Variants in PKHD1 observed in about 807,000 individuals in gnomAD.
PKHD1 encodes the protein PKHD1 ciliary IPT domain containing fibrocystin/polyductin.
Under a neutral mutation model 412.0 loss-of-function variants are expected in PKHD1, and 291 were observed. That is an observed-to-expected ratio of 0.71 (90% confidence interval 0.64 to 0.78). The LOEUF (loss-of-function observed/expected upper bound fraction) is 0.78. Ranked by LOEUF, PKHD1 falls within the 30% of genes least tolerant of loss-of-function variation. The probability of loss-of-function intolerance (pLI) is 0.00; values close to 1 mark genes in which losing one functional copy is unlikely to be tolerated. For synonymous variants in PKHD1, 1,777 were observed against 1,821.5 expected (o/e 0.98, Z 0.62); for missense variants, 4,825 against 4,950.7 (o/e 0.97, Z 0.76).
chr6:51,685,780 G>A (rs1178315110), intron 60 of PKHD1, among the ~76,000 whole-genome samples: 1 of 152,078 alleles, frequency 6.6e-6, no homozygotes, highest in East Asian at 1.9e-4. Context: ...ATTGTTTTAA[G>A]AATCATTACC....
chr6:51,809,703 GA>G (rs1172298920), intron 52 of PKHD1, among the ~76,000 whole-genome samples: 1 of 151,758 alleles, frequency 6.6e-6, no homozygotes, highest in Non-Finnish European at 1.5e-5. Flanking sequence ...CATGACATAT[GA>G]ATTTTTTGTT....
Position 51,822,458 on chromosome 6 carries a change from G to A in PKHD1, c.8302+8403C>T, listed in dbSNP as rs530146401. ...CCTGGTTCTAATTTCATGACTACTC[G>A]TTCTATGATATCTCTTCCTGAAACT... On this transcript the variant is annotated intron_variant, in intron 52 of 66. Transcript: ENST00000371117. 2.1e-4 allele frequency among the ~76,000 whole-genome samples: 32 copies of A among 152,078 alleles called. No individual in the cohort carries two copies. The East Asian group carries it at 4.6e-3, about 22-fold the overall frequency.
chr6:51,952,966 G>T (rs79656964), intron 36 of PKHD1, among the ~76,000 whole-genome samples: 4,163 of 152,134 alleles, frequency 0.027, 117 homozygotes, highest in East Asian at 0.11. Context: ...ACAGGGAAGG[G>T]AATCACCATT....
chr6:51,776,263 A>C (rs578141764), intron 53 of PKHD1, among the ~76,000 whole-genome samples: 1 of 152,112 alleles, frequency 6.6e-6, no homozygotes, highest in South Asian at 2.1e-4. Flanking sequence ...TTGATGCTTT[A>C]AGGGACTTGG....
chr6:52,067,184 T>C (rs1296798208), intron 11 of PKHD1, among the ~76,000 whole-genome samples: 1 of 152,202 alleles, frequency 6.6e-6, no homozygotes, highest in Non-Finnish European at 1.5e-5. Flanking sequence ...GAGGCAAAGA[T>C]TGATCCCTTA....
chr6:51,844,092 T>C (rs1770718081), intron 50 of PKHD1, among the ~76,000 whole-genome samples: 1 of 152,242 alleles, frequency 6.6e-6, no homozygotes, highest in Non-Finnish European at 1.5e-5. Flanking sequence ...AGAAAACTTC[T>C]AGAGAAATAG....
intron 60 of PKHD1, among the ~76,000 whole-genome samples, chr6:51,741,875 A>C (rs2150950027): frequency 6.6e-6 from 1 of 152,358 alleles, no homozygotes; most frequent in East Asian, 1.9e-4. Context: ...AATTTTCATC[A>C]AATACTCTGG....
chr6:52,053,051 G>T (rs1351083020), intron 21 of PKHD1, 25 bp downstream of exon 21: 6 of 1,610,374 alleles, frequency 3.7e-6, no homozygotes, highest in Non-Finnish European at 5.1e-6. Context: ...ACCGGCTTGT[G>T]GAGGAGAGAG....
At chr6:51,778,343 C>A (rs193297193) in intron 53 of PKHD1, among the ~76,000 whole-genome samples, 2 of 152,166 alleles carry the variant, frequency 1.3e-5, no homozygotes, top group Non-Finnish European at 2.9e-5. Flanking sequence ...CAAAGACATT[C>A]CGGATATTTT....
At chr6:51,946,090 T>C (rs1483548042) in intron 36 of PKHD1, among the ~76,000 whole-genome samples, 1 of 152,224 alleles carries the variant, frequency 6.6e-6, no homozygotes, top group African/African-American at 2.4e-5. Context: ...TTTGTCCCTT[T>C]TACCATGAAG....
intron 55 of PKHD1, among the ~76,000 whole-genome samples, chr6:51,766,074 T>G (rs2151091398): frequency 6.6e-6 from 1 of 152,260 alleles, no homozygotes; most frequent in Non-Finnish European, 1.5e-5. Flanking sequence ...AATTTTACAT[T>G]TACTATTTGA....
intron 36 of PKHD1, among the ~76,000 whole-genome samples, chr6:51,948,458 C>A (rs1490251776): frequency 1.3e-5 from 2 of 152,162 alleles, no homozygotes; most frequent in Non-Finnish European, 2.9e-5. Flanking sequence ...ATGTGTATTC[C>A]CTATTCACCT....
At chr6:51,957,621 G>A (rs1464375214) in intron 36 of PKHD1, among the ~76,000 whole-genome samples, 1 of 152,094 alleles carries the variant, frequency 6.6e-6, no homozygotes, top group Non-Finnish European at 1.5e-5. Flanking sequence ...CACTGATGGG[G>A]TGGTCATAGG....
intron 34 of PKHD1, among the ~76,000 whole-genome samples, chr6:52,016,230 C>CAAA (rs1800507840): frequency 1.3e-5 from 2 of 152,168 alleles, no homozygotes; most frequent in Non-Finnish European, 2.9e-5. Flanking sequence ...CCTCTGGTGC[C>CAAA]AAATTCACAC....
At chr6:51,977,635 A>G (rs1216213677) in intron 35 of PKHD1, among the ~76,000 whole-genome samples, 1 of 152,076 alleles carries the variant, frequency 6.6e-6, no homozygotes, top group African/African-American at 2.4e-5. Flanking sequence ...CTGCCTTACG[A>G]AGTTTAGTAT....
chr6:51,706,561 C>G (rs1415104118), intron 60 of PKHD1, among the ~76,000 whole-genome samples: 1 of 151,018 alleles, frequency 6.6e-6, no homozygotes, highest in African/African-American at 2.4e-5. Flanking sequence ...GGAGGAGGAA[C>G]AAGTGGAAGA....
rs368317856 is a variant in PKHD1, at chr6:51,659,806, G to A, written c.10320C>T (p.Val3440=). The A allele has an allele frequency of 9.3e-6, 15 of 1,613,668 alleles. No homozygotes were observed. The highest frequency in any genetic ancestry group is 1.3e-5 in the Non-Finnish European group (15 of 1,179,816). Residue 3440 remains valine, a synonymous_variant, in exon 61 of 67, where the codon GTC becomes GTT. Coordinates refer to ENST00000371117, the MANE Select transcript of PKHD1 (RefSeq NM_138694.4). ...GAATATTGGCATTTACACTGCTAAAGACATCAACAAAACCACTAGTCACAG... is the reference window on the plus strand; with the variant it reads ...GAATATTGGCATTTACACTGCTAAAAACATCAACAAAACCACTAGTCACAG... The part of the protein sequence containing the change: ...VVSVTSGFVD[V]FSSVNANIPC...
chr6:51,799,941 C>T (rs1762648996), intron 52 of PKHD1, among the ~76,000 whole-genome samples: 1 of 152,168 alleles, frequency 6.6e-6, no homozygotes, highest in African/African-American at 2.4e-5. Flanking sequence ...GCCTTGGCTA[C>T]AGATATTCCA....
intron 60 of PKHD1, among the ~76,000 whole-genome samples, chr6:51,685,155 T>A (rs1777244610): frequency 6.6e-6 from 1 of 152,072 alleles, no homozygotes; most frequent in Non-Finnish European, 1.5e-5. Flanking sequence ...TACACCCCAT[T>A]ACACATCTGG....
Sources: allele counts gnomAD v4.1 joint callset (sites outside exome capture counted in the v4.1 genomes callset), GRCh38; gene constraint gnomAD v4.1.1; transcripts MANE v1.5; gene names NCBI Gene and HGNC (gene_info 2026-07-23, HGNC 2026-07-21).